The following ABCB1 variants were observed in gnomAD, a reference collection of about 807,000 sequenced individuals.
ABCB1 encodes ATP-dependent translocase ABCB1.
A neutral mutation model predicts 142.0 loss-of-function variants in ABCB1; 69 were observed. That is an observed-to-expected ratio of 0.49 (90% CI 0.40 to 0.59). The LOEUF is 0.59. Ranked by LOEUF, ABCB1 falls within the 20% of genes least tolerant of loss-of-function variation. The pLI is 0.00. For missense variants in ABCB1, 1,326 were observed against 1,554.7 expected (o/e 0.85, Z 2.47); for synonymous variants, 532 against 539.2 (o/e 0.99, Z 0.18).
intron 21 of ABCB1, among the ~76,000 whole-genome samples, chr7:87,529,099 A>G (rs1815920726): frequency 6.6e-6 from 1 of 152,214 alleles, no homozygotes; most frequent in Non-Finnish European, 1.5e-5. Flanking sequence ...TATTTATGAG[A>G]GGTCAGAATG....
At chr7:87,668,947 T>C (rs1264052234) in intron 1 of ABCB1, among the ~76,000 whole-genome samples, 1 of 152,156 alleles carries the variant, frequency 6.6e-6, no homozygotes, top group Non-Finnish European at 1.5e-5. Context: ...AGAATGTATA[T>C]TCTGGTGTTT....
In ABCB1 at chr7:87,544,931, T is replaced by C. The variant is rs748466636; in HGVS notation, c.1956A>G (p.Glu652=). The C allele has an allele frequency of 2.5e-6, 4 of 1,614,002 alleles. No homozygotes were observed. The African/African-American group carries it at 5.3e-5, about 22-fold the overall frequency. The change falls in exon 16 of 28, where the codon GAA becomes GAG. Residue 652 remains glutamate (E), a synonymous_variant. Transcript: ENST00000622132. ...DESKSEIDAL[E]MSSNDSRSSL... ...TGGATCTTGAATCATTTGAAGACAT[T>C]TCCAAGGCATCAATTTCACTTTTGG...
intron 8 of ABCB1, among the ~76,000 whole-genome samples, chr7:87,559,644 G>A (rs918506907): frequency 1.3e-5 from 2 of 151,156 alleles, no homozygotes; most frequent in African/African-American, 2.4e-5. Context: ...CAATAATTTT[G>A]TATTTCTTCT....
At chr7:87,701,586 T>C (rs1829040164) in intron 1 of ABCB1, among the ~76,000 whole-genome samples, 1 of 152,204 alleles carries the variant, frequency 6.6e-6, no homozygotes, top group African/African-American at 2.4e-5. Flanking sequence ...GGTAGGTCAG[T>C]AGATTTAATG....
At chr7:87,634,971 A>G (rs1821617016) in intron 1 of ABCB1, among the ~76,000 whole-genome samples, 1 of 152,176 alleles carries the variant, frequency 6.6e-6, no homozygotes, top group Non-Finnish European at 1.5e-5. Flanking sequence ...ACAAAAGGTC[A>G]TTTTCTCTTC....
At chr7:87,579,863 A>T (rs1818435586) in intron 4 of ABCB1, among the ~76,000 whole-genome samples, 1 of 152,200 alleles carries the variant, frequency 6.6e-6, no homozygotes, top group South Asian at 2.1e-4. Context: ...ATGATATCAT[A>T]TAACTCATTT....
chr7:87,697,145 C>A (rs190730014), intron 1 of ABCB1, among the ~76,000 whole-genome samples: 1 of 152,160 alleles, frequency 6.6e-6, no homozygotes, highest in Admixed American at 6.5e-5. Context: ...TTCCTTAAAA[C>A]GGAAAATCTT....
intron 15 of ABCB1, 125 bp from the exon 16 acceptor site, chr7:87,545,124 C>T (rs1816716739): frequency 2.4e-6 from 2 of 838,090 alleles, no homozygotes; most frequent in South Asian, 1.5e-5. Flanking sequence ...AAGGATAAAG[C>T]TAATCTGCTG....
intron 1 of ABCB1, among the ~76,000 whole-genome samples, chr7:87,650,037 G>A (rs1823422169): frequency 6.6e-6 from 1 of 152,096 alleles, no homozygotes; most frequent in Non-Finnish European, 1.5e-5. Flanking sequence ...TATTAGCAGT[G>A]TGAAAACAGA....
At chr7:87,591,416 G>A (rs1818996419) in intron 3 of ABCB1, among the ~76,000 whole-genome samples, 2 of 152,172 alleles carry the variant, frequency 1.3e-5, no homozygotes, top group Non-Finnish European at 2.9e-5. Flanking sequence ...ATGATAAAGA[G>A]GCAGGGCAGA....
intron 1 of ABCB1, chr7:87,628,614 TG>T (rs1563084318): frequency 2.8e-5 from 10 of 358,362 alleles, no homozygotes; most frequent in African/African-American, 1.9e-4. Context: ...TGTGTGTGTG[TG>T]TGTGTGTGTG....
At chr7:87,563,019 G>T (rs747982103) in intron 7 of ABCB1, among the ~76,000 whole-genome samples, 1 of 152,152 alleles carries the variant, frequency 6.6e-6, no homozygotes, top group Non-Finnish European at 1.5e-5. Context: ...TCCCATCAGA[G>T]AATATTATGA....
chr7:87,693,849 A>C, intron 1 of ABCB1: 1 of 1,563,090 alleles, frequency 6.4e-7, no homozygotes, highest in Admixed American at 1.7e-5. Context: ...TGGAACTGTA[A>C]ACATGATGGC....
rs1816672250 is a variant in ABCB1, at chr7:87,544,262, G to A, written c.2078C>T (p.Pro693Leu). 3 of 1,612,728 alleles carry A rather than the reference G, an allele frequency of 1.9e-6. No homozygotes were observed. Among genetic ancestry groups the A allele is most frequent in the Non-Finnish European group, 1.7e-6 (2 of 1,179,802 alleles). ...STKEALDESI[P>L]PVSFWRIMKL... ...CATAATCCTCCAAAAGGAAACTGGA[G>A]GTATACTTTCATCCTAGAAAACACA... is the stretch of plus-strand genomic sequence containing the variant. The change falls in exon 17 of 28, where the codon CCT (proline) becomes CTT (leucine). Residue 693 changes from proline (P) to leucine (L), a missense_variant. Pro to Leu is a moderately conservative substitution (Grantham distance 98). Transcript: ENST00000622132.
intron 20 of ABCB1, among the ~76,000 whole-genome samples, chr7:87,531,995 C>T (rs764004932): frequency 1.2e-4 from 18 of 152,126 alleles, no homozygotes; most frequent in East Asian, 5.8e-4. Context: ...ATAGTAAGCG[C>T]GCATTATTAT....
intron 1 of ABCB1, among the ~76,000 whole-genome samples, chr7:87,684,097 A>T (rs1364668657): frequency 6.6e-6 from 1 of 152,206 alleles, no homozygotes; most frequent in Non-Finnish European, 1.5e-5. Context: ...ACTTTAATTC[A>T]TGTTAAAAAA....
intron 8 of ABCB1, among the ~76,000 whole-genome samples, chr7:87,559,506 T>C (rs1464226441): frequency 1.3e-5 from 2 of 152,132 alleles, no homozygotes; most frequent in Admixed American, 6.5e-5. Context: ...TATGGATATG[T>C]CAATCTTCCA....
intron 4 of ABCB1, among the ~76,000 whole-genome samples, chr7:87,575,615 C>T (rs1458693347): frequency 2.6e-5 from 4 of 152,100 alleles, no homozygotes; most frequent in East Asian, 1.9e-4. Flanking sequence ...CTCCATCAAC[C>T]GCAGGGAAGG....
intron 4 of ABCB1, among the ~76,000 whole-genome samples, chr7:87,575,308 T>A (rs915897683): frequency 9.9e-5 from 15 of 152,212 alleles, no homozygotes; most frequent in Non-Finnish European, 5.9e-5. Flanking sequence ...ATTGGTAAAC[T>A]GAAATTATAT....
Sources: gnomAD v4.1 joint callset for allele counts (sites outside exome capture counted in the v4.1 genomes callset) on GRCh38, gnomAD v4.1.1 for gene constraint, MANE v1.5 for transcripts, NCBI Gene and HGNC (gene_info 2026-07-23, HGNC 2026-07-21) for gene names.